Variants in SLIT1 observed in about 807,000 individuals in gnomAD.
The protein encoded by SLIT1 is slit homolog 1 protein.
In SLIT1, 66 loss-of-function variants were observed where a neutral mutation model predicts 186.1. That is an observed-to-expected ratio of 0.35 (90% CI 0.29 to 0.44). The LOEUF (loss-of-function observed/expected upper bound fraction) is 0.44, where lower values mean the gene tolerates loss of function less well. SLIT1 is among the 20% of genes least tolerant of loss of function. SLIT1 has a pLI of 1.00. For synonymous variants in SLIT1, 761 were observed against 833.8 expected, an observed-to-expected ratio of 0.91 and a Z score of 1.50; for missense variants, 1,638 against 2,037.4, an observed-to-expected ratio of 0.80 and a Z score of 3.77.
At chr10:97,109,721 T>C (rs1001862710) in intron 4 of SLIT1, among the ~76,000 whole-genome samples, 1 of 152,118 alleles carries the variant, frequency 6.6e-6, no homozygotes, top group African/African-American at 2.4e-5. Flanking sequence ...GGGTCTGGCG[T>C]GTGTGCTCTC....
intron 2 of SLIT1, 120 bp from the exon 3 acceptor site, chr10:97,163,571 AC>A: frequency 1.2e-6 from 1 of 807,514 alleles, no homozygotes; most frequent in South Asian, 1.5e-5. Context: ...AGGGAGTAAG[AC>A]AGGAGCCATG....
intron 13 of SLIT1, among the ~76,000 whole-genome samples, chr10:97,054,097 T>A (rs1848815169): frequency 1.3e-5 from 2 of 151,876 alleles, no homozygotes; most frequent in Admixed American, 6.6e-5. Flanking sequence ...ACCGCTCGGC[T>A]TCTGGTGAGC....
intron 28 of SLIT1, among the ~76,000 whole-genome samples, chr10:97,015,752 C>T (rs958277497): frequency 5.9e-5 from 9 of 152,094 alleles, no homozygotes; most frequent in Non-Finnish European, 1.3e-4. Context: ...AGGGATAACT[C>T]GCTGCAAAAG....
chr10:97,005,057 G>A (rs1589360133), intron 32 of SLIT1, among the ~76,000 whole-genome samples: 1 of 152,198 alleles, frequency 6.6e-6, no homozygotes, highest in Non-Finnish European at 1.5e-5. Flanking sequence ...GCAGGGGAGG[G>A]TGATGGGTCC....
intron 34 of SLIT1, 129 bp from the exon 35 acceptor site, chr10:97,003,121 C>A (rs1003590685): frequency 5.6e-6 from 5 of 887,914 alleles, no homozygotes; most frequent in Admixed American, 2.5e-5. Context: ...TCTCTGCAAC[C>A]CTGATCCAAG....
At chr10:97,026,113 T>C (rs1589366697) in intron 25 of SLIT1, among the ~76,000 whole-genome samples, 3 of 152,250 alleles carry the variant, frequency 2.0e-5, no homozygotes, top group East Asian at 3.8e-4. Flanking sequence ...TTCCTGTGTA[T>C]ATGTTTGTAC....
chr10:97,174,792 C>T (rs1850235513), intron 1 of SLIT1, among the ~76,000 whole-genome samples: 1 of 152,122 alleles, frequency 6.6e-6, no homozygotes, highest in Admixed American at 6.6e-5. Context: ...TTTCAGGTCA[C>T]CCAGCTGGTT....
At chr10:97,001,665 G>T (rs1848311405) in intron 36 of SLIT1, among the ~76,000 whole-genome samples, 1 of 152,160 alleles carries the variant, frequency 6.6e-6, no homozygotes, top group South Asian at 2.1e-4. Flanking sequence ...ATTATGAAAA[G>T]GATTCATGCT....
chr10:97,138,310 C>T (rs1369989725), intron 4 of SLIT1, among the ~76,000 whole-genome samples: 1 of 152,234 alleles, frequency 6.6e-6, no homozygotes, highest in Non-Finnish European at 1.5e-5. Context: ...CACTTACGGG[C>T]CTCCGGGTCA....
intron 1 of SLIT1, among the ~76,000 whole-genome samples, chr10:97,185,024 A>C (rs1850391984): frequency 6.6e-6 from 1 of 152,256 alleles, no homozygotes; most frequent in Non-Finnish European, 1.5e-5. Flanking sequence ...GCCCTTCGTC[A>C]GGAGCAAGCT....
At chr10:97,065,786 C>A in intron 5 of SLIT1, 1 of 498,366 alleles carries the variant, frequency 2.0e-6, no homozygotes, top group South Asian at 2.5e-5. Flanking sequence ...CCCCAAGGGC[C>A]CCCTCCGTTG....
rs987402983 is a variant in SLIT1 at position 97,058,238 on chromosome 10, G to A, written c.1086-957C>T. 1.1e-5 allele frequency: 7 copies of A among 615,832 alleles called. No individual in the cohort carries two copies. The South Asian group carries it at 1.3e-4, about 11-fold the overall frequency. The allele number at this position is 615,832 out of a possible 1,614,324, so 38.1% of individuals were successfully genotyped here. A position where few individuals can be genotyped will look rare whatever the true frequency, so the allele number is the denominator to read the frequency against. ...GCTGGGTGGGAAATGGAGCAGAGGG[G>A]GCAGGAACTGAAGCAGGGAGGCAAG... On this transcript the variant is annotated intron_variant, in intron 11 of 36. Transcript: ENST00000266058.
chr10:97,159,747 G>A (rs1481140264), intron 3 of SLIT1, among the ~76,000 whole-genome samples: 1 of 152,194 alleles, frequency 6.6e-6, no homozygotes, highest in African/African-American at 2.4e-5. Context: ...AGCTCATCGC[G>A]GGCGGGAAAG....
chr10:97,052,104 GT>G (rs372886018), intron 13 of SLIT1, among the ~76,000 whole-genome samples: 31 of 137,070 alleles, frequency 2.3e-4, no homozygotes, highest in African/African-American at 5.2e-4. Flanking sequence ...TTTTTTGTTT[GT>G]TTTTTTTTTT....
At chr10:97,012,962 C>T (rs1010414340) in intron 30 of SLIT1, among the ~76,000 whole-genome samples, 9 of 152,220 alleles carry the variant, frequency 5.9e-5, no homozygotes, top group South Asian at 4.1e-4. Flanking sequence ...TTTAAAACTG[C>T]GTAACCTTCA....
rs575299474 is a variant in SLIT1 at position 97,018,999 on chromosome 10, C to A, written c.2855G>T (p.Cys952Phe). ...TCCACTCACCTTATAGCCGCTGGGG[C>A]AGGCGCACCTGTACACCTCAAGGGG... ...NDPLEVYRCA[C>F]PSGYKGRDCE... is the part of the protein sequence containing the mutation. The change falls in exon 27 of 37, where the codon TGC (cysteine) becomes TTC (phenylalanine). Residue 952 changes from cysteine (C) to phenylalanine (F), a missense_variant. By Grantham distance (205) the Cys-to-Phe change is radical. Coordinates refer to ENST00000266058, the MANE Select transcript of SLIT1 (RefSeq NM_003061.3). 1 of 1,610,846 alleles carries A rather than the reference C, an allele frequency of 6.2e-7. No homozygotes were observed. Among genetic ancestry groups the A allele is most frequent in the South Asian group, 1.1e-5 (1 of 90,982 alleles).
intron 1 of SLIT1, among the ~76,000 whole-genome samples, chr10:97,172,401 T>G (rs1013104345): frequency 1.3e-5 from 2 of 152,118 alleles, no homozygotes; most frequent in African/African-American, 2.4e-5. Flanking sequence ...AGCCTCCACA[T>G]GAGATTAGAA....
rs1437179611 is a variant in SLIT1, at chr10:97,037,187, C to T, written c.2366+511G>A. Among the ~76,000 whole-genome samples, 6 of 151,904 alleles carry T rather than the reference C, an allele frequency of 3.9e-5. No individual in the cohort carries two copies. In the East Asian group the frequency reaches 5.8e-4, roughly 15 times the overall value. ...TTGGCTCACTGCAGCCTCCACCTCC[C>T]GGGTTCAAGCGATTCTCCTACCTCA... On this transcript the variant is annotated intron_variant, in intron 22 of 36. Transcript: ENST00000266058.
chr10:97,094,128 C>A (rs1019950700), intron 4 of SLIT1, among the ~76,000 whole-genome samples: 1 of 152,218 alleles, frequency 6.6e-6, no homozygotes, highest in Non-Finnish European at 1.5e-5. Flanking sequence ...AGAGGACCTC[C>A]TGTGTCCTAC....
Sources: gnomAD v4.1 joint callset for allele counts (sites outside exome capture counted in the v4.1 genomes callset) on GRCh38, gnomAD v4.1.1 for gene constraint, MANE v1.5 for transcripts, NCBI Gene and HGNC (gene_info 2026-07-23, HGNC 2026-07-21) for gene names.